The following MON1B variants were observed in gnomAD, a reference collection of about 807,000 sequenced individuals.
The protein encoded by MON1B is MON1 vesicular trafficking associated B.
In MON1B, 26 loss-of-function variants were observed where a neutral mutation model predicts 45.1. The ratio of observed to expected loss-of-function variants is 0.58; its 90% confidence interval spans 0.42 to 0.80. The LOEUF (loss-of-function observed/expected upper bound fraction) is 0.80. Among genes scored for constraint, MON1B ranks in the 30% least tolerant of loss-of-function variants. The pLI is 0.00. For missense variants in MON1B, 737 were observed against 754.5 expected (o/e 0.98, Z 0.27); for synonymous variants, 395 against 320.2 (o/e 1.23, Z -2.49).
In MON1B at chr16:77,198,502, C is replaced by T. The variant is rs1039062926; in HGVS notation, c.*194C>T. 7 of 618,424 alleles carry T rather than the reference C, an allele frequency of 1.1e-5. No individual in the cohort carries two copies. Among genetic ancestry groups the T allele is most frequent in the South Asian group, 7.8e-5 (4 of 51,206 alleles). 38.3% of individuals were successfully genotyped at this position (618,424 alleles called of 1,614,324 possible). A position where few individuals can be genotyped will look rare whatever the true frequency, so the allele number is the denominator to read the frequency against. ...AGGCGAGCAGGCTGCTTTCCCTGCC[C>T]AGTCATGCACCTCCCCCTCTGGGGA... On this transcript the variant is annotated 3_prime_UTR_variant, in exon 6 of 6. Coordinates refer to ENST00000248248, the MANE Select transcript of MON1B (RefSeq NM_014940.4).
chr16:77,195,227 T>C (rs1372171272), intron 4 of MON1B, 73 bp downstream of exon 4: 40 of 1,369,440 alleles, frequency 2.9e-5, no homozygotes, highest in Non-Finnish European at 3.7e-5. Flanking sequence ...ATCTCAGGGA[T>C]GTGACTCAGG....
rs1403625668 is a variant in MON1B at position 77,193,467 on chromosome 16, C to A, written c.165C>A (p.Asp55Glu). 6.4e-7 allele frequency: 1 copy of A among 1,563,884 alleles called. No homozygotes were observed. The highest frequency in any genetic ancestry group is 2.3e-5 in the East Asian group (1 of 44,386). ...GLEETGSKDK[D>E]QPPSPSPPPQ... ...CCCTTTCAGGATCCAAGGACAAGGA[C>A]CAGCCACCCAGCCCATCACCACCGC... The change falls in exon 3 of 6, where the codon GAC (aspartate) becomes GAA (glutamate). Residue 55 changes from aspartate to glutamate, a missense_variant. Coordinates refer to ENST00000248248, the MANE Select transcript of MON1B (RefSeq NM_014940.4). The surrounding 1 kb of genome is among the most constrained non-coding windows in gnomAD (Gnocchi z 5.0).
chr16:77,192,842 G>A (rs1360238352), intron 2 of MON1B, among the ~76,000 whole-genome samples: 2 of 151,994 alleles, frequency 1.3e-5, no homozygotes, highest in Non-Finnish European at 2.9e-5. Flanking sequence ...GTGGATTAGG[G>A]GAGTCCTAAA....
In MON1B at chr16:77,194,094, C is replaced by T. The variant is rs531880511; in HGVS notation, c.476-241C>T. 9 of 606,736 alleles carry T rather than the reference C, an allele frequency of 1.5e-5. No individual in the cohort carries two copies. Among genetic ancestry groups the T allele is most frequent in the Middle Eastern group, 3.6e-4 (1 of 2,764 alleles). The allele number at this position is 606,736 out of a possible 1,614,324, so 37.6% of individuals were successfully genotyped here. A position where few individuals can be genotyped will look rare whatever the true frequency, so the allele number is the denominator to read the frequency against. On this transcript the variant is annotated intron_variant, in intron 3 of 5. Coordinates refer to ENST00000248248, the MANE Select transcript of MON1B (RefSeq NM_014940.4). The surrounding 1 kb of genome is among the most constrained non-coding windows in gnomAD (Gnocchi z 8.1). ...TGTCAGCCCTTGTACCATCTCTACC[C>T]GCCTGCCCGTGGTCTTTGCTGTGTA...
At position 77,195,700 on chromosome 16, in the gene MON1B, C is replaced by G; in HGVS notation, c.1443+18C>G. The G allele has an allele frequency of 6.2e-7, 1 of 1,613,330 alleles. No homozygotes were observed. Among genetic ancestry groups the G allele is most frequent in the Non-Finnish European group, 8.5e-7 (1 of 1,179,484 alleles). Reference sequence around the variant, plus strand: ...TGGCCTGGGTAAGTTGGGCAGGGCTCTGAGTGAATTAATTCCCCACTTCAA... The same window carrying G: ...TGGCCTGGGTAAGTTGGGCAGGGCTGTGAGTGAATTAATTCCCCACTTCAA... On this transcript the variant is annotated intron_variant, in intron 5 of 5. Transcript: ENST00000248248.
At chr16:77,195,406 G>T (rs1239849219) in intron 4 of MON1B, 129 bp from the exon 5 acceptor site, 25 of 1,262,028 alleles carry the variant, frequency 2.0e-5, no homozygotes, top group Non-Finnish European at 1.1e-6. Context: ...CAACCCCTGA[G>T]AATCCTCAAG....
chr16:77,199,559 G>A lies in MON1B; in HGVS notation c.*1251G>A, dbSNP rs79760539. On this transcript the variant is annotated 3_prime_UTR_variant, in exon 6 of 6. Transcript: ENST00000248248. ...CACTCCTTTCTCTCCAACCAGGGCAGAAAGGAGGGAGGATTCGTCCCATTA... is the reference window on the plus strand; with the variant it reads ...CACTCCTTTCTCTCCAACCAGGGCAAAAAGGAGGGAGGATTCGTCCCATTA... The A allele has an allele frequency of 1.4e-6, 2 of 1,396,500 alleles. No individual in the cohort carries two copies. Among genetic ancestry groups the A allele is most frequent in the Admixed American group, 2.0e-5 (1 of 48,840 alleles). The allele number at this position is 1,396,500 out of a possible 1,614,324, so 86.5% of individuals were successfully genotyped here.
In MON1B at chr16:77,191,248, A is replaced by C. The variant is rs1450308762; in HGVS notation, c.-21A>C. On this transcript the variant is annotated 5_prime_UTR_variant, in exon 1 of 6. Transcript: ENST00000248248. The stretch of plus-strand genomic sequence containing the variant: ...TGGTATCCGGCCAATTGAGATTCGG[A>C]GTTAAAACAGGTGTTTGTATATCTC... 2 of 1,537,812 alleles carry C rather than the reference A, an allele frequency of 1.3e-6. No individual in the cohort carries two copies. Among genetic ancestry groups the C allele is most frequent in the Non-Finnish European group, 8.7e-7 (1 of 1,146,914 alleles).
chr16:77,193,632 G>A lies in MON1B; in HGVS notation c.330G>A (p.Lys110=). The change falls in exon 3 of 6, where the codon AAG becomes AAA. Residue 110 remains lysine, a synonymous_variant. Transcript: ENST00000248248. This position sits in a 1 kb window ranked among gnomAD's most constrained non-coding sequence, Gnocchi z 5.0. ...PSDEEWRSQR[K]HVFVLSEAGK... ...ATGAGGAGTGGCGCAGCCAGCGGAA[G>A]CATGTGTTTGTGCTGAGTGAGGCTG... 6.2e-7 allele frequency: 1 copy of A among 1,614,142 alleles called. No homozygotes were observed. Among genetic ancestry groups the A allele is most frequent in the Non-Finnish European group, 8.5e-7 (1 of 1,179,982 alleles).
At position 77,191,525 on chromosome 16, in the gene MON1B, G is replaced by A. The variant is rs2054614456; in HGVS notation, c.40G>A (p.Gly14Ser). The A allele has an allele frequency of 6.2e-7, 1 of 1,608,856 alleles. No individual in the cohort carries two copies. The highest frequency in any genetic ancestry group is 8.5e-7 in the Non-Finnish European group (1 of 1,178,542). Reference sequence around the variant, plus strand: ...AGACACTGCTGCCCCGGCCCCCGGGGGCGCGGAGGACTTGGAGGACACGCA... The same window carrying A: ...AGACACTGCTGCCCCGGCCCCCGGGAGCGCGGAGGACTTGGAGGACACGCA... ...GGDTAAPAPG[G>S]AEDLEDTQFP... Residue 14 changes from glycine (G) to serine (S), a missense_variant, in exon 2 of 6, where the codon GGC (glycine) becomes AGC (serine). Gly to Ser is a moderately conservative substitution (Grantham distance 56). Transcript: ENST00000248248.
At position 77,199,270 on chromosome 16, in the gene MON1B, A is replaced by T. The variant is rs2054701455; in HGVS notation, c.*962A>T. ...TGTGGAGTTACAGCCTCAAGGTTGT[A>T]GCATGTGTGCTGGCAATCAGGGCCG... On this transcript the variant is annotated 3_prime_UTR_variant, in exon 6 of 6. Coordinates refer to ENST00000248248, the MANE Select transcript of MON1B (RefSeq NM_014940.4). 9.9e-6 allele frequency: 6 copies of T among 606,076 alleles called. No individual in the cohort carries two copies. The highest frequency in any genetic ancestry group is 1.2e-5 in the Non-Finnish European group (4 of 336,086). 37.5% of individuals were successfully genotyped at this position (606,076 alleles called of 1,614,324 possible).
rs1567418530 is a variant in MON1B at position 77,194,305 on chromosome 16, A to T, written c.476-30A>T. 1.9e-6 allele frequency: 3 copies of T among 1,562,918 alleles called. No individual in the cohort carries two copies. The South Asian group carries it at 3.3e-5, about 17-fold the overall frequency. On this transcript the variant is annotated intron_variant, in intron 3 of 5. Transcript: ENST00000248248. This position sits in a 1 kb window ranked among gnomAD's most constrained non-coding sequence, Gnocchi z 8.1. Reference sequence around the variant, plus strand: ...CTCTGGTCATTCCTGATCCAGCTGTACCCCCCCTTCTTACCCCTTCCTTCC... The same window carrying T: ...CTCTGGTCATTCCTGATCCAGCTGTTCCCCCCCTTCTTACCCCTTCCTTCC...
Position 77,193,722 on chromosome 16 carries a change from C to A in MON1B, c.420C>A (p.Thr140=). ...TGTCGGCTACCATGGGTGTAATGAC[C>A]GCCCTGGTGTCCTTTGTGCAGAGTG... ...EALSATMGVM[T]ALVSFVQSAG... The change falls in exon 3 of 6, where the codon ACC becomes ACA. Residue 140 remains threonine (T), a synonymous_variant. Transcript: ENST00000248248. This position sits in a 1 kb window ranked among gnomAD's most constrained non-coding sequence, Gnocchi z 5.0. The A allele has an allele frequency of 6.2e-7, 1 of 1,613,996 alleles. No individual in the cohort carries two copies. Among genetic ancestry groups the A allele is most frequent in the Non-Finnish European group, 8.5e-7 (1 of 1,179,922 alleles).
At position 77,194,682 on chromosome 16, in the gene MON1B, C is replaced by T. The variant is rs2054646687; in HGVS notation, c.823C>T (p.Leu275=). 1.9e-6 allele frequency: 3 copies of T among 1,613,956 alleles called. No homozygotes were observed. The highest frequency in any genetic ancestry group is 1.7e-5 in the Admixed American group (1 of 60,014). The change falls in exon 4 of 6, where the codon CTG becomes TTG. Residue 275 remains leucine (L), a synonymous_variant. Transcript: ENST00000248248. The surrounding 1 kb of genome is among the most constrained non-coding windows in gnomAD (Gnocchi z 8.1). ...LRRCTAPGLA[L]SVLAVGGRLI... ...ACGTTGCACAGCGCCTGGCCTGGCG[C>T]TGTCAGTGCTGGCAGTAGGCGGTCG...
chr16:77,193,432 A>T lies in MON1B; in HGVS notation c.149-19A>T, dbSNP rs1004260045. On this transcript the variant is annotated intron_variant, in intron 2 of 5. Coordinates refer to ENST00000248248, the MANE Select transcript of MON1B (RefSeq NM_014940.4). The surrounding 1 kb of genome is among the most constrained non-coding windows in gnomAD (Gnocchi z 5.0). Reference sequence around the variant, plus strand: ...TTAGGAGTTCACATGCAGATGACCCACCAGGGGCTCCCTTTCAGGATCCAA... The same window carrying T: ...TTAGGAGTTCACATGCAGATGACCCTCCAGGGGCTCCCTTTCAGGATCCAA... 5 of 1,535,324 alleles carry T rather than the reference A, an allele frequency of 3.3e-6. No individual in the cohort carries two copies. The Admixed American group carries it at 6.2e-5, about 19-fold the overall frequency.
rs368499093 is a variant in MON1B, at chr16:77,195,581, C to T, written c.1342C>T (p.Leu448=). The T allele has an allele frequency of 1.1e-4, 180 of 1,614,040 alleles. 2 individuals are homozygous for T. The East Asian group carries it at 1.3e-3, about 11-fold the overall frequency. ...CAGCAGAGAGGAGGAGCGGCAGCGG[C>T]TGTCGGACCTGTACCACCGCCTGCA... The part of the protein sequence containing the change: ...PYSREEERQR[L]SDLYHRLHAR... The change falls in exon 5 of 6, where the codon CTG becomes TTG. Residue 448 remains leucine, a synonymous_variant. Coordinates refer to ENST00000248248, the MANE Select transcript of MON1B (RefSeq NM_014940.4).
Position 77,193,449 on chromosome 16 carries a change from A to T in MON1B, c.149-2A>T. On this transcript the variant is annotated splice_acceptor_variant, in intron 2 of 5. Transcript: ENST00000248248. LOFTEE classifies it high-confidence loss of function. The surrounding 1 kb of genome is among the most constrained non-coding windows in gnomAD (Gnocchi z 5.0). ...GATGACCCACCAGGGGCTCCCTTTC[A>T]GGATCCAAGGACAAGGACCAGCCAC... is the stretch of plus-strand genomic sequence containing the variant. 6.5e-7 allele frequency: 1 copy of T among 1,541,530 alleles called. No homozygotes were observed. The highest frequency in any genetic ancestry group is 8.7e-7 in the Non-Finnish European group (1 of 1,143,832).
Position 77,194,192 on chromosome 16 carries a change from C to T in MON1B, c.476-143C>T. On this transcript the variant is annotated intron_variant, in intron 3 of 5. Coordinates refer to ENST00000248248, the MANE Select transcript of MON1B (RefSeq NM_014940.4). This position sits in a 1 kb window ranked among gnomAD's most constrained non-coding sequence, Gnocchi z 8.1. ...TCCAGATTCCTCCAGCTTGTCCTTA[C>T]CCCAGTCCAGGTGCCCACAGAGTGA... 1.3e-6 allele frequency: 1 copy of T among 783,370 alleles called. No individual in the cohort carries two copies. Among genetic ancestry groups the T allele is most frequent in the East Asian group, 2.4e-5 (1 of 40,884 alleles). The allele number at this position is 783,370 out of a possible 1,614,324, so 48.5% of individuals were successfully genotyped here. A position where few individuals can be genotyped will look rare whatever the true frequency, so the allele number is the denominator to read the frequency against.
Position 77,194,834 on chromosome 16 carries a change from G to A in MON1B, c.975G>A (p.Val325=), listed in dbSNP as rs761250475. 9 of 1,610,720 alleles carry A rather than the reference G, an allele frequency of 5.6e-6. No individual in the cohort carries two copies. Among genetic ancestry groups the A allele is most frequent in the Non-Finnish European group, 7.6e-6 (9 of 1,180,006 alleles). ...AFAAGEAWAP[V]CLPRFNPDGF... Reference sequence around the variant, plus strand: ...CGGCGGGTGAGGCTTGGGCACCTGTGTGCCTGCCCCGCTTCAACCCTGATG... The same window carrying A: ...CGGCGGGTGAGGCTTGGGCACCTGTATGCCTGCCCCGCTTCAACCCTGATG... Residue 325 remains valine (V), a synonymous_variant, in exon 4 of 6, where the codon GTG becomes GTA. Transcript: ENST00000248248. This position sits in a 1 kb window ranked among gnomAD's most constrained non-coding sequence, Gnocchi z 8.1.
Sources: allele counts gnomAD v4.1 joint callset (sites outside exome capture counted in the v4.1 genomes callset), GRCh38; gene constraint gnomAD v4.1.1; non-coding constraint Gnocchi (gnomAD v3.1); transcripts MANE v1.5; gene names NCBI Gene and HGNC (gene_info 2026-07-23, HGNC 2026-07-21).